The following ABR variants were observed in gnomAD, a reference collection of about 807,000 sequenced individuals.
The protein encoded by ABR is ABR activator of RhoGEF and GTPase.
ABR carries 35 observed loss-of-function variants against 107.2 expected under a neutral mutation model. The observed-to-expected ratio is 0.33, with a 90% CI of 0.25 to 0.43. The LOEUF (loss-of-function observed/expected upper bound fraction) is 0.43. ABR is among the 20% of genes least tolerant of loss of function. The pLI is 1.00. For missense variants in ABR, 815 were observed against 1,115.2 expected, an observed-to-expected ratio of 0.73 and a Z score of 3.83; for synonymous variants, 498 against 462.0, an observed-to-expected ratio of 1.08 and a Z score of -1.00.
At position 1,179,798 on chromosome 17, in the gene ABR, G is replaced by A; in HGVS notation, c.-71C>T. ...GCAACAAAGGAGGGAGAGCGGGCGG[G>A]AGCCGGGGGAGGCCGAAGTTGCGAG... On this transcript the variant is annotated 5_prime_UTR_variant, in exon 1 of 23. Coordinates refer to ENST00000302538, the MANE Select transcript of ABR (RefSeq NM_021962.5). The surrounding 1 kb of genome is among the most constrained non-coding windows in gnomAD (Gnocchi z 4.9). 1 of 366,216 alleles carries A rather than the reference G, an allele frequency of 2.7e-6. No homozygotes were observed. 22.7% of individuals were successfully genotyped at this position (366,216 alleles called of 1,614,324 possible).
chr17:1,156,707 T>C (rs927002770), intron 1 of ABR, among the ~76,000 whole-genome samples: 2 of 152,124 alleles, frequency 1.3e-5, no homozygotes, highest in East Asian at 1.9e-4. Flanking sequence ...AAAAGCTTTA[T>C]GTGCATTATC....
intron 1 of ABR, among the ~76,000 whole-genome samples, chr17:1,168,342 C>T (rs1341140082): frequency 6.6e-6 from 1 of 152,180 alleles, no homozygotes; most frequent in Non-Finnish European, 1.5e-5. Flanking sequence ...TGAGCCGGAG[C>T]AATCAGCATT....
At chr17:1,118,032 G>A (rs1245459655) in intron 2 of ABR, among the ~76,000 whole-genome samples, 5 of 2,884 alleles carry the variant, frequency 1.7e-3, no homozygotes, top group Admixed American at 0.015. Flanking sequence ...CAGCGTTATC[G>A]CTGAGCCTGA....
rs531947588 is a variant in ABR at position 1,027,670 on chromosome 17, T to C, written c.1792-14506A>G. Reference sequence around the variant, plus strand: ...ACCCACACATAGGCCCAGGAAGAGGTGGGCTGGTGTAGGGGCCTCCAGCTC... The same window carrying C: ...ACCCACACATAGGCCCAGGAAGAGGCGGGCTGGTGTAGGGGCCTCCAGCTC... On this transcript the variant is annotated intron_variant, in intron 16 of 22. Coordinates refer to ENST00000302538, the MANE Select transcript of ABR (RefSeq NM_021962.5). The surrounding 1 kb of genome is among the most constrained non-coding windows in gnomAD (Gnocchi z 4.7). 6.0e-5 allele frequency among the ~76,000 whole-genome samples: 9 copies of C among 150,252 alleles called. No homozygotes were observed. The highest frequency in any genetic ancestry group is 1.3e-4 in the Admixed American group (2 of 15,080).
intron 1 of ABR, among the ~76,000 whole-genome samples, chr17:1,176,056 ACTCCAG>A (rs1462705223): frequency 6.6e-6 from 1 of 151,620 alleles, no homozygotes; most frequent in Non-Finnish European, 1.5e-5. Context: ...GTGCCACTGC[ACTCCAG>A]CTCCAGCCTG....
chr17:1,090,157 C>A (rs1039742774), intron 4 of ABR, among the ~76,000 whole-genome samples: 1 of 152,136 alleles, frequency 6.6e-6, no homozygotes, highest in Non-Finnish European at 1.5e-5. Flanking sequence ...TTCAGGCACA[C>A]GGGGCCTCAA....
chr17:1,094,243 G>A (rs750098956), intron 3 of ABR, among the ~76,000 whole-genome samples: 7 of 152,214 alleles, frequency 4.6e-5, no homozygotes, highest in Admixed American at 6.5e-5. Flanking sequence ...TCTGCTGTGC[G>A]CACATCACTC....
rs1004436359 is a variant in ABR at position 1,005,353 on chromosome 17, C to T, written c.*727G>A. On this transcript the variant is annotated 3_prime_UTR_variant, in exon 23 of 23. Coordinates refer to ENST00000302538, the MANE Select transcript of ABR (RefSeq NM_021962.5). ...CCAAACGGAAAATTCCAGAAATGGG[C>T]GCTCCAGCTCTGTGCTAAGCTGGGG... 6.4e-5 allele frequency: 25 copies of T among 391,730 alleles called. No homozygotes were observed. The highest frequency in any genetic ancestry group is 3.6e-5 in the East Asian group (1 of 27,678). 24.3% of individuals were successfully genotyped at this position (391,730 alleles called of 1,614,324 possible).
intron 16 of ABR, among the ~76,000 whole-genome samples, chr17:1,035,871 T>C (rs761224627): frequency 6.6e-6 from 1 of 150,642 alleles, no homozygotes; most frequent in Non-Finnish European, 1.5e-5. Context: ...GAGGGGGTCA[T>C]GCCACCCAGC....
At chr17:1,081,229 C>G (rs1284100713) in intron 5 of ABR, among the ~76,000 whole-genome samples, 5 of 152,212 alleles carry the variant, frequency 3.3e-5, no homozygotes, top group Non-Finnish European at 7.3e-5. Flanking sequence ...AGCACCATTT[C>G]TCCAGCCCCT....
In ABR at chr17:1,050,514, A is replaced by T. The variant is rs771311611; in HGVS notation, c.1659+23T>A. ...GCACGGGGTGGTGGGGTCCCCACAG[A>T]GATGCCAGCCCCTGCCACTCACCTC... On this transcript the variant is annotated intron_variant, in intron 15 of 22. Transcript: ENST00000302538. The surrounding 1 kb of genome is among the most constrained non-coding windows in gnomAD (Gnocchi z 4.6). The T allele has an allele frequency of 2.5e-6, 4 of 1,606,930 alleles. No individual in the cohort carries two copies. In the African/African-American group the frequency reaches 5.4e-5, roughly 22 times the overall value.
At chr17:1,151,970 C>T (rs546280203) in intron 1 of ABR, among the ~76,000 whole-genome samples, 237 of 149,510 alleles carry the variant, frequency 1.6e-3, no homozygotes, top group East Asian at 9.1e-3. Context: ...CTGGCTAACA[C>T]GGGGAAACCC....
At chr17:1,120,923 A>C (rs1475972004) in intron 2 of ABR, among the ~76,000 whole-genome samples, 3 of 152,134 alleles carry the variant, frequency 2.0e-5, no homozygotes, top group Non-Finnish European at 2.9e-5. Context: ...CAGACAGAGG[A>C]GTCTGTGGCC....
chr17:1,009,553 G>A, intron 21 of ABR, 126 bp downstream of exon 21: 1 of 739,906 alleles, frequency 1.4e-6, no homozygotes, highest in Non-Finnish European at 2.4e-6. Context: ...CTGAGGAGGT[G>A]GGGTTGGGGC....
chr17:1,199,663 G>C (rs528016596), intron 1 of ABR, among the ~76,000 whole-genome samples: 56 of 152,244 alleles, frequency 3.7e-4, no homozygotes, highest in Non-Finnish European at 6.9e-4. Flanking sequence ...TGGCCAGGCT[G>C]ACCTCAGTTG....
chr17:1,160,697 G>A (rs995610666), intron 1 of ABR, among the ~76,000 whole-genome samples: 34 of 152,188 alleles, frequency 2.2e-4, no homozygotes, highest in African/African-American at 7.7e-4. Context: ...GGGAGGCGGC[G>A]CAGATGACTC....
At chr17:1,012,882 A>G in intron 17 of ABR, 85 bp from the exon 18 acceptor site, 6 of 1,232,660 alleles carry the variant, frequency 4.9e-6, no homozygotes, top group Non-Finnish European at 5.8e-6. Flanking sequence ...CCCCTCCCCA[A>G]GACTGCAAAT....
intron 1 of ABR, among the ~76,000 whole-genome samples, chr17:1,225,113 C>T (rs940487591): frequency 1.3e-4 from 19 of 148,244 alleles, no homozygotes; most frequent in African/African-American, 4.5e-4. Flanking sequence ...GGCACCACTG[C>T]ACTCCAGCCT....
In ABR at chr17:1,079,788, C is replaced by CAAAA. The variant is rs57412625; in HGVS notation, c.640-402_640-399dup. On this transcript the variant is annotated intron_variant, in intron 5 of 22. Transcript: ENST00000302538. The stretch of plus-strand genomic sequence containing the variant: ...TGGGCAACAGGGCGAGACTCTGTCT[C>CAAAA]AAAAAAAAAAAAAAAAAAAAAAAAA... Among the ~76,000 whole-genome samples the CAAAA allele has an allele frequency of 7.1e-4, 39 of 55,110 alleles. 1 individual carries two copies. Among genetic ancestry groups the CAAAA allele is most frequent in the Non-Finnish European group, 9.8e-4 (27 of 27,416 alleles). The allele number at this position is 55,110 out of a possible 152,430, so 36.2% of individuals were successfully genotyped here. A position where few individuals can be genotyped will look rare whatever the true frequency, so the allele number is the denominator to read the frequency against.
Sources: allele counts gnomAD v4.1 joint callset (sites outside exome capture counted in the v4.1 genomes callset), GRCh38; gene constraint gnomAD v4.1.1; non-coding constraint Gnocchi (gnomAD v3.1); transcripts MANE v1.5; gene names NCBI Gene and HGNC (gene_info 2026-07-23, HGNC 2026-07-21).